BDNF: variants seen among roughly 807,000 people sequenced by gnomAD.
BDNF encodes the protein brain derived neurotrophic factor.
Under a neutral mutation model 19.5 loss-of-function variants are expected in BDNF, and 1 was observed. That is an observed-to-expected ratio of 0.05 (90% CI 0.02 to 0.24). The LOEUF is 0.24. Among genes scored for constraint, BDNF ranks in the 10% least tolerant of loss-of-function variants. The pLI, the probability that BDNF is intolerant of heterozygous loss-of-function variation, is 1.00. For missense variants in BDNF, 195 were observed against 317.6 expected (o/e 0.61, Z 2.93); for synonymous variants, 100 against 121.6 (o/e 0.82, Z 1.17).
intron 1 of BDNF, chr11:27,677,519 G>C (rs367706381): frequency 7.1e-6 from 1 of 141,348 alleles, no homozygotes; most frequent in Non-Finnish European, 1.5e-5. Context: ...CTGGGCGACA[G>C]AGCGAGACTC....
At chr11:27,677,582 A>G (rs552585541) in intron 1 of BDNF, 1 of 152,190 alleles carries the variant, frequency 6.6e-6, no homozygotes, top group South Asian at 2.1e-4. Context: ...GTACATACTC[A>G]TATTTACCTG....
At position 27,710,160 on chromosome 11, in the gene BDNF, A is replaced by T. The variant is rs192551958; in HGVS notation, c.3+11252T>A. Among the ~76,000 whole-genome samples, 1,341 of 152,310 alleles carry T rather than the reference A, an allele frequency of 8.8e-3. 75 individuals are homozygous for T. The highest frequency in any genetic ancestry group is 0.077 in the Admixed American group (1,176 of 15,296). Reference sequence around the variant, plus strand: ...TGTTCATGGGGTCCTTCCCTGAATAAATCAGAGTGGAGGTGGGATGAAGTC... The same window carrying T: ...TGTTCATGGGGTCCTTCCCTGAATATATCAGAGTGGAGGTGGGATGAAGTC... On this transcript the variant is annotated intron_variant, in intron 1 of 1. Transcript: ENST00000314915.
chr11:27,704,558 A>T (rs1392096669), upstream of BDNF, among the ~76,000 whole-genome samples: 2 of 152,128 alleles, frequency 1.3e-5, no homozygotes, highest in Non-Finnish European at 2.9e-5. Flanking sequence ...AAAAAAAAAT[A>T]AGTTGTCTAG....
chr11:27,686,042 G>C (rs1857436250), intron 1 of BDNF, among the ~76,000 whole-genome samples: 1 of 152,056 alleles, frequency 6.6e-6, no homozygotes, highest in Non-Finnish European at 1.5e-5. Flanking sequence ...GTCTCTTTGT[G>C]GGTCTCTAAG....
chr11:27,713,050 G>A (rs1166602062), intron 1 of BDNF, among the ~76,000 whole-genome samples: 2 of 148,374 alleles, frequency 1.3e-5, no homozygotes, highest in Non-Finnish European at 3.0e-5. Context: ...TGAGATTACA[G>A]GCATGAACCA....
At chr11:27,720,955 C>CGAG (rs1860725225) in intron 1 of BDNF, among the ~76,000 whole-genome samples, 6 of 144,676 alleles carry the variant, frequency 4.1e-5, no homozygotes, top group Admixed American at 6.9e-5. Context: ...CCCCACCCCC[C>CGAG]ATCTACACCT....
intron 1 of BDNF, among the ~76,000 whole-genome samples, chr11:27,708,890 G>A (rs758000651): frequency 2.2e-4 from 30 of 138,844 alleles, no homozygotes; most frequent in African/African-American, 4.6e-4. Flanking sequence ...GTGCAATGGC[G>A]CAATCTTGGC....
intron 1 of BDNF, among the ~76,000 whole-genome samples, chr11:27,666,044 G>A (rs968301225): frequency 2.6e-5 from 4 of 151,968 alleles, no homozygotes; most frequent in Non-Finnish European, 4.4e-5. Flanking sequence ...CACCTCATAC[G>A]GCCAGGTGCC....
intron 1 of BDNF, among the ~76,000 whole-genome samples, chr11:27,660,500 T>C (rs1387472298): frequency 6.6e-6 from 1 of 152,192 alleles, no homozygotes; most frequent in East Asian, 1.9e-4. Context: ...TGGTAGATTG[T>C]ACTTACACAC....
In BDNF at chr11:27,657,581, C is replaced by A. The variant is rs945551590; in HGVS notation, c.*240G>T. ...TCAGTTCTTGGCAACGGCAACAAAC[C>A]ACAACATTATCAAGGAATGTAATGC... On this transcript the variant is annotated 3_prime_UTR_variant, in exon 2 of 2. Transcript: ENST00000356660. The surrounding 1 kb of genome is among the most constrained non-coding windows in gnomAD (Gnocchi z 5.0). 4.0e-5 allele frequency: 51 copies of A among 1,285,940 alleles called. No homozygotes were observed. The highest frequency in any genetic ancestry group is 4.8e-5 in the Non-Finnish European group (49 of 1,017,126). The allele number at this position is 1,285,940 out of a possible 1,614,324, so 79.7% of individuals were successfully genotyped here. A position where few individuals can be genotyped will look rare whatever the true frequency, so the allele number is the denominator to read the frequency against.
chr11:27,661,926 CTCCAGCATACACTGCCT>C (rs1853508371), intron 1 of BDNF, among the ~76,000 whole-genome samples: 1 of 152,210 alleles, frequency 6.6e-6, no homozygotes, highest in African/African-American at 2.4e-5. Context: ...TCTCTAATTA[CTCCAGCATACACTGCCT>C]TCCTTCCCTA....
intron 1 of BDNF, among the ~76,000 whole-genome samples, chr11:27,694,137 C>A (rs569521932): frequency 6.6e-6 from 1 of 152,140 alleles, no homozygotes; most frequent in South Asian, 2.1e-4. Context: ...GAAGCACAGT[C>A]GCTGGCATCT....
chr11:27,684,337 C>A (rs1857208988), intron 1 of BDNF, among the ~76,000 whole-genome samples: 1 of 152,182 alleles, frequency 6.6e-6, no homozygotes, highest in African/African-American at 2.4e-5. Flanking sequence ...ACAATCATGT[C>A]ATCTGCAAAC....
Position 27,666,269 on chromosome 11 carries a change from G to A in BDNF, c.-21-7684C>T, listed in dbSNP as rs189980375. 4.3e-4 allele frequency among the ~76,000 whole-genome samples: 65 copies of A among 152,248 alleles called. No individual in the cohort carries two copies. The East Asian group carries it at 8.1e-3, about 19-fold the overall frequency. ...ATCCACACCAAAACCCCATCTGTACGTCACCATCATCAAAGACCAAAGGTA... is the reference window on the plus strand; with the variant it reads ...ATCCACACCAAAACCCCATCTGTACATCACCATCATCAAAGACCAAAGGTA... On this transcript the variant is annotated intron_variant, in intron 1 of 1. Coordinates refer to ENST00000356660, the MANE Select transcript of BDNF (RefSeq NM_001709.5).
chr11:27,714,024 G>T (rs1860430662), intron 1 of BDNF, among the ~76,000 whole-genome samples: 1 of 152,214 alleles, frequency 6.6e-6, no homozygotes, highest in African/African-American at 2.4e-5. Context: ...TATGCCTAGT[G>T]CATCAGAAGT....
intron 1 of BDNF, among the ~76,000 whole-genome samples, chr11:27,718,245 C>T (rs1221293975): frequency 2.0e-5 from 3 of 151,838 alleles, no homozygotes; most frequent in Non-Finnish European, 4.4e-5. Flanking sequence ...AATCCAGAGA[C>T]AAGCAGACAG....
chr11:27,668,234 C>T (rs1854705868), intron 1 of BDNF, among the ~76,000 whole-genome samples: 1 of 152,158 alleles, frequency 6.6e-6, no homozygotes, highest in African/African-American at 2.4e-5. Flanking sequence ...AACAAAGACA[C>T]AACATACCAG....
At chr11:27,717,561 T>TA (rs1469589363) in intron 1 of BDNF, among the ~76,000 whole-genome samples, 6 of 152,188 alleles carry the variant, frequency 3.9e-5, no homozygotes, top group Admixed American at 3.9e-4. Context: ...TAGACCAAGC[T>TA]AAAATCTCAC....
chr11:27,720,634 A>G (rs895179494), intron 1 of BDNF: 2 of 985,450 alleles, frequency 2.0e-6, no homozygotes, highest in African/African-American at 1.7e-5. Flanking sequence ...AGCGGGGCCA[A>G]GAAGACTACC....
Sources: allele counts gnomAD v4.1 joint callset (sites outside exome capture counted in the v4.1 genomes callset), GRCh38; gene constraint gnomAD v4.1.1; non-coding constraint Gnocchi (gnomAD v3.1); transcripts MANE v1.5; gene names NCBI Gene and HGNC (gene_info 2026-07-23, HGNC 2026-07-21).